GFOD1: variants seen among roughly 807,000 people sequenced by gnomAD.
The protein encoded by GFOD1 is Gfo/Idh/MocA-like oxidoreductase domain containing 1, also known as glucose-fructose oxidoreductase domain-containing protein 1.
A neutral mutation model predicts 25.4 loss-of-function variants in GFOD1; 9 were observed. The ratio of observed to expected loss-of-function variants is 0.35; its 90% CI spans 0.21 to 0.62. GFOD1 has a LOEUF of 0.62. Among genes scored for constraint, GFOD1 ranks in the 20% least tolerant of loss-of-function variants. The pLI is 0.72. For synonymous variants in GFOD1, 253 were observed against 245.6 expected (o/e 1.03, Z -0.28); for missense variants, 403 against 556.9 (o/e 0.72, Z 2.78).
chr6:13,365,252 T>C lies in GFOD1; in HGVS notation c.664A>G (p.Thr222Ala). The C allele has an allele frequency of 1.2e-6, 2 of 1,614,178 alleles. No individual in the cohort carries two copies. The highest frequency in any genetic ancestry group is 1.7e-6 in the Non-Finnish European group (2 of 1,180,028). The change falls in exon 2 of 2, where the codon ACC (threonine) becomes GCC (alanine). Residue 222 changes from threonine to alanine, a missense_variant. Coordinates refer to ENST00000379287, the MANE Select transcript of GFOD1 (RefSeq NM_018988.4). This position sits in a 1 kb window ranked among gnomAD's most constrained non-coding sequence, Gnocchi z 9.2. ...CCGCCCTCCAGCACCATCTGGAAGG[T>C]GCAGAAGTCATCGCTGGTGATCTGT... Reference protein sequence around the residue: ...IRQITSDDFCTFQMVLEGGVC... With the variant: ...IRQITSDDFCAFQMVLEGGVC...
chr6:13,460,204 C>T (rs1758268165), intron 1 of GFOD1, among the ~76,000 whole-genome samples: 1 of 152,152 alleles, frequency 6.6e-6, no homozygotes, highest in South Asian at 2.1e-4. Flanking sequence ...AACACTTTTA[C>T]ACTGTTGATG....
intron 1 of GFOD1, among the ~76,000 whole-genome samples, chr6:13,429,656 A>T (rs115250714): frequency 6.6e-6 from 1 of 152,316 alleles, no homozygotes; most frequent in South Asian, 2.1e-4. Context: ...AAGAAATAGA[A>T]CAGGGCACAA....
Position 13,486,662 on chromosome 6 carries a change from TG to T in GFOD1, c.228del (p.Arg77AspfsTer8). ...CCTAGGGTTTTGACAGCGATCTGTCTGGTGAGGGGCGGCGGCAGGTTAATGC... is the reference window on the plus strand; with the variant it reads ...CCTAGGGTTTTGACAGCGATCTGTCTGTGAGGGGCGGCGGCAGGTTAATGC... The part of the protein sequence containing the change: ...LVCINLPPPL[T>X]RQIAVKTLGI... On this transcript the variant is annotated frameshift_variant, in exon 1 of 2. Coordinates refer to ENST00000379287, the MANE Select transcript of GFOD1 (RefSeq NM_018988.4). LOFTEE classifies it high-confidence loss of function. 1 of 1,614,090 alleles carries T rather than the reference TG, an allele frequency of 6.2e-7. No homozygotes were observed. Among genetic ancestry groups the T allele is most frequent in the Non-Finnish European group, 8.5e-7 (1 of 1,179,988 alleles).
At chr6:13,400,271 C>T (rs944457992) in intron 1 of GFOD1, among the ~76,000 whole-genome samples, 3 of 152,146 alleles carry the variant, frequency 2.0e-5, no homozygotes, top group Non-Finnish European at 4.4e-5. Context: ...TAAATAGCCA[C>T]TGCCCTGAAA....
intron 1 of GFOD1, among the ~76,000 whole-genome samples, chr6:13,409,891 C>A (rs1328948295): frequency 7.4e-6 from 1 of 135,244 alleles, no homozygotes; most frequent in Non-Finnish European, 1.6e-5. Flanking sequence ...CCACTGCACT[C>A]TAGCCTGGGC....
chr6:13,448,537 T>C (rs1024175602), intron 1 of GFOD1, among the ~76,000 whole-genome samples: 1 of 152,194 alleles, frequency 6.6e-6, no homozygotes, highest in Admixed American at 6.5e-5. Flanking sequence ...CCTTCACTAT[T>C]TGTGCTCTTA....
chr6:13,366,682 CA>C (rs1378155119), intron 1 of GFOD1, among the ~76,000 whole-genome samples: 1 of 151,384 alleles, frequency 6.6e-6, no homozygotes, highest in African/African-American at 2.4e-5. Context: ...TTTTAAGAGA[CA>C]GGGGTCTCCT....
At position 13,486,654 on chromosome 6, in the gene GFOD1, G is replaced by C; in HGVS notation, c.237C>G (p.Ile79Met). Reference protein sequence around the residue: ...INLPPPLTRQIAVKTLGIGKN... With the variant: ...INLPPPLTRQMAVKTLGIGKN... ...GTCGCTCACCTAGGGTTTTGACAGC[G>C]ATCTGTCTGGTGAGGGGCGGCGGCA... is the stretch of plus-strand genomic sequence containing the variant. Residue 79 changes from isoleucine (I) to methionine (M), a missense_variant, in exon 1 of 2, where the codon ATC becomes ATG. Ile to Met is a conservative substitution (Grantham distance 10). Transcript: ENST00000379287. 6.2e-7 allele frequency: 1 copy of C among 1,614,096 alleles called. No homozygotes were observed. Among genetic ancestry groups the C allele is most frequent in the Non-Finnish European group, 8.5e-7 (1 of 1,179,988 alleles).
chr6:13,431,227 C>A (rs1757743449), intron 1 of GFOD1, among the ~76,000 whole-genome samples: 1 of 152,226 alleles, frequency 6.6e-6, no homozygotes, highest in South Asian at 2.1e-4. Context: ...CTGTGTACCA[C>A]ACGGTTATGG....
Position 13,442,196 on chromosome 6 carries a change from A to G in GFOD1, c.253+44442T>C, listed in dbSNP as rs747931790. On this transcript the variant is annotated intron_variant, in intron 1 of 1. Coordinates refer to ENST00000379287, the MANE Select transcript of GFOD1 (RefSeq NM_018988.4). The stretch of plus-strand genomic sequence containing the variant: ...GAACATTGTATGTGAGGTACTGCTT[A>G]TGTTAATTAGCTTGACTTAGCCATT... Among the ~76,000 whole-genome samples the G allele has an allele frequency of 2.6e-5, 4 of 152,234 alleles. No individual in the cohort carries two copies. In the South Asian group the frequency reaches 8.3e-4, roughly 31 times the overall value.
chr6:13,408,631 C>T lies in GFOD1; in HGVS notation c.254-42969G>A, dbSNP rs962731150. Among the ~76,000 whole-genome samples the T allele has an allele frequency of 5.3e-5, 8 of 152,216 alleles. 1 individual carries two copies. The South Asian group carries it at 1.0e-3, about 20-fold the overall frequency. On this transcript the variant is annotated intron_variant, in intron 1 of 1. Transcript: ENST00000379287. ...ACAGGAGATCACCTGATGCCCGGGCCCCTCTACCTTTAGCGATTTCATGTC... is the reference window on the plus strand; with the variant it reads ...ACAGGAGATCACCTGATGCCCGGGCTCCTCTACCTTTAGCGATTTCATGTC...
intron 1 of GFOD1, among the ~76,000 whole-genome samples, chr6:13,470,955 C>T (rs73368932): frequency 0.015 from 2,237 of 150,244 alleles, 59 homozygotes; most frequent in African/African-American, 0.052. Context: ...TAATGGGACT[C>T]GAAAGAAAAA....
At chr6:13,427,231 T>C (rs942904471) in intron 1 of GFOD1, among the ~76,000 whole-genome samples, 1 of 152,154 alleles carries the variant, frequency 6.6e-6, no homozygotes, top group Non-Finnish European at 1.5e-5. Context: ...CTCAAGCCCT[T>C]TGAACAGAGA....
At chr6:13,418,061 C>T (rs1316729964) in intron 1 of GFOD1, among the ~76,000 whole-genome samples, 2 of 152,204 alleles carry the variant, frequency 1.3e-5, no homozygotes, top group Non-Finnish European at 2.9e-5. Context: ...CATCCTCCTG[C>T]ACCTGGAAAG....
intron 1 of GFOD1, among the ~76,000 whole-genome samples, chr6:13,471,371 C>T (rs1463648731): frequency 6.6e-6 from 1 of 152,148 alleles, no homozygotes; most frequent in Non-Finnish European, 1.5e-5. Context: ...AAGGAAGATG[C>T]TACCCATGAG....
intron 1 of GFOD1, among the ~76,000 whole-genome samples, chr6:13,431,319 T>C (rs1757745841): frequency 6.6e-6 from 1 of 152,226 alleles, no homozygotes; most frequent in Admixed American, 6.5e-5. Flanking sequence ...CTCAGAAATG[T>C]TAAGCAATTG....
At chr6:13,453,176 AG>A (rs1230673953) in intron 1 of GFOD1, among the ~76,000 whole-genome samples, 1 of 152,266 alleles carries the variant, frequency 6.6e-6, no homozygotes, top group Non-Finnish European at 1.5e-5. Flanking sequence ...ATTGAAGATA[AG>A]GAACTGTGTT....
At chr6:13,464,163 CA>C (rs1758340715) in intron 1 of GFOD1, among the ~76,000 whole-genome samples, 3 of 152,286 alleles carry the variant, frequency 2.0e-5, no homozygotes, top group South Asian at 4.1e-4. Context: ...GTGTCTGCTC[CA>C]CAGTGCCACA....
At chr6:13,464,966 G>A (rs956158510) in intron 1 of GFOD1, among the ~76,000 whole-genome samples, 12 of 151,360 alleles carry the variant, frequency 7.9e-5, no homozygotes, top group African/African-American at 2.4e-4. Flanking sequence ...TACCTTCCTC[G>A]TCATTCAAGG....
Sources: gnomAD v4.1 joint callset for allele counts (sites outside exome capture counted in the v4.1 genomes callset) on GRCh38, gnomAD v4.1.1 for gene constraint, Gnocchi (gnomAD v3.1) non-coding constraint, MANE v1.5 for transcripts, NCBI Gene and HGNC (gene_info 2026-07-23, HGNC 2026-07-21) for gene names.